The following MOB1B variants were observed in gnomAD, a reference collection of about 807,000 sequenced individuals.
MOB1B encodes MOB kinase activator 1B, also known as MOB1 Mps One Binder homolog B.
Under a neutral mutation model 24.4 loss-of-function variants are expected in MOB1B, and 19 were observed. The observed-to-expected ratio is 0.78, with a 90% CI of 0.54 to 1.14. The LOEUF (loss-of-function observed/expected upper bound fraction) is 1.14. MOB1B is among the 50% of genes most tolerant of loss of function. MOB1B has a pLI of 0.00. For synonymous variants in MOB1B, 76 were observed against 82.1 expected, an observed-to-expected ratio of 0.93 and a Z score of 0.40; for missense variants, 243 against 259.6, an observed-to-expected ratio of 0.94 and a Z score of 0.44.
chr4:70,957,423 G>C (rs536629325), intron 1 of MOB1B, among the ~76,000 whole-genome samples: 1 of 150,344 alleles, frequency 6.7e-6, no homozygotes, highest in Non-Finnish European at 1.5e-5. Flanking sequence ...AAAATCGCTC[G>C]CTCTCTCTCT....
chr4:70,964,945 A>G (rs1427000803), intron 2 of MOB1B, among the ~76,000 whole-genome samples: 1 of 151,720 alleles, frequency 6.6e-6, no homozygotes, highest in Non-Finnish European at 1.5e-5. Context: ...AAAAAAAAAA[A>G]GTTAAAAGAG....
At chr4:70,957,866 C>T (rs1474184386) in intron 1 of MOB1B, among the ~76,000 whole-genome samples, 1 of 151,594 alleles carries the variant, frequency 6.6e-6, no homozygotes, top group East Asian at 1.9e-4. Context: ...GGGATCCTTC[C>T]ACCTCAGCCT....
In MOB1B at chr4:70,912,710, A is replaced by G. The variant is rs562296456; in HGVS notation, c.14+10160A>G. 6.9e-4 allele frequency among the ~76,000 whole-genome samples: 105 copies of G among 152,332 alleles called. 1 individual carries two copies. Among genetic ancestry groups the G allele is most frequent in the African/African-American group, 2.4e-3 (101 of 41,588 alleles). On this transcript the variant is annotated intron_variant, in intron 1 of 5. Transcript: ENST00000309395. ...TGCTTTAACAATGTAATCTTCGACA[A>G]AAGGATCCAGTCATGAATCATGTAT...
chr4:70,913,945 T>C (rs1411544753), intron 1 of MOB1B, among the ~76,000 whole-genome samples: 1 of 151,888 alleles, frequency 6.6e-6, no homozygotes, highest in Non-Finnish European at 1.5e-5. Flanking sequence ...CAATGTGTGC[T>C]GTGATCTGCA....
intron 1 of MOB1B, among the ~76,000 whole-genome samples, chr4:70,915,429 A>T (rs1736159524): frequency 6.6e-6 from 1 of 152,184 alleles, no homozygotes; most frequent in South Asian, 2.1e-4. Context: ...CAGAATTTTG[A>T]GGAGTTTAAA....
intron 3 of MOB1B, among the ~76,000 whole-genome samples, chr4:70,971,838 T>A (rs572331451): frequency 6.6e-6 from 1 of 152,320 alleles, no homozygotes; most frequent in Admixed American, 6.5e-5. Context: ...CATGCATGTG[T>A]GCGTACATAG....
At chr4:70,928,119 A>G (rs749595608) in intron 1 of MOB1B, among the ~76,000 whole-genome samples, 1 of 151,816 alleles carries the variant, frequency 6.6e-6, no homozygotes, top group Non-Finnish European at 1.5e-5. Flanking sequence ...AGTGCCCTTT[A>G]TAGTCCTTAT....
intron 3 of MOB1B, among the ~76,000 whole-genome samples, chr4:70,972,585 T>C (rs950650021): frequency 6.6e-6 from 1 of 152,132 alleles, no homozygotes; most frequent in Non-Finnish European, 1.5e-5. Context: ...AAGTTCATGC[T>C]GTGATGACAG....
At chr4:70,932,078 G>C (rs993340807) in intron 1 of MOB1B, among the ~76,000 whole-genome samples, 3 of 152,112 alleles carry the variant, frequency 2.0e-5, no homozygotes, top group Non-Finnish European at 2.9e-5. Flanking sequence ...ACAATATGTA[G>C]ATATAACTCA....
At chr4:70,903,183 C>G (rs887803739) in intron 1 of MOB1B, among the ~76,000 whole-genome samples, 3 of 152,216 alleles carry the variant, frequency 2.0e-5, no homozygotes, top group Non-Finnish European at 4.4e-5. Context: ...TAGAGGCGCC[C>G]TTCCTCCCAG....
At chr4:70,924,062 T>A (rs1421451610) in intron 1 of MOB1B, among the ~76,000 whole-genome samples, 1 of 151,870 alleles carries the variant, frequency 6.6e-6, no homozygotes, top group Admixed American at 6.6e-5. Flanking sequence ...GGGAAAGGTA[T>A]TTTAAGGCAA....
intron 1 of MOB1B, among the ~76,000 whole-genome samples, chr4:70,923,481 G>A (rs1274495839): frequency 1.3e-5 from 2 of 152,148 alleles, no homozygotes; most frequent in Non-Finnish European, 2.9e-5. Context: ...GGGATTATAG[G>A]CATGAGCTAC....
At chr4:70,974,166 G>GT (rs1179376748) in intron 3 of MOB1B, among the ~76,000 whole-genome samples, 148 of 148,822 alleles carry the variant, frequency 9.9e-4, no homozygotes, top group Non-Finnish European at 6.4e-4. Flanking sequence ...CTCTTTTAGG[G>GT]TTTTTTTTTT....
At chr4:70,975,121 T>C in intron 3 of MOB1B, 32 bp from the exon 4 acceptor site, 1 of 1,558,166 alleles carries the variant, frequency 6.4e-7, no homozygotes, top group African/African-American at 1.4e-5. Flanking sequence ...TATATACTAA[T>C]CTTCTGTGTG....
rs1381391135 is a variant in MOB1B, at chr4:70,902,568, GCACGCGCCGGCTTTGT to G, written c.14+19_14+34del. The G allele has an allele frequency of 1.3e-6, 2 of 1,549,836 alleles. No individual in the cohort carries two copies. Among genetic ancestry groups the G allele is most frequent in the Non-Finnish European group, 1.7e-6 (2 of 1,149,882 alleles). Reference sequence around the variant, plus strand: ...TTCTTGTTGTGAGTAGCCAGGCCCCGCACGCGCCGGCTTTGTTCGGGTGGACCTGGGCCCCCGCCCG... The same window carrying G: ...TTCTTGTTGTGAGTAGCCAGGCCCCGTCGGGTGGACCTGGGCCCCCGCCCG... On this transcript the variant is annotated intron_variant, in intron 1 of 5. Coordinates refer to ENST00000309395, the MANE Select transcript of MOB1B (RefSeq NM_173468.4).
chr4:70,974,214 G>A (rs1002188652), intron 3 of MOB1B, among the ~76,000 whole-genome samples: 5 of 151,828 alleles, frequency 3.3e-5, no homozygotes, highest in African/African-American at 4.8e-5. Context: ...GCTGGAATGG[G>A]CACCATCTTG....
intron 1 of MOB1B, among the ~76,000 whole-genome samples, chr4:70,924,123 C>T (rs980916088): frequency 6.6e-6 from 1 of 152,076 alleles, no homozygotes; most frequent in Non-Finnish European, 1.5e-5. Flanking sequence ...AACAGCATAA[C>T]CCTCCTGCTG....
chr4:70,972,974 T>C (rs902188129), intron 3 of MOB1B, among the ~76,000 whole-genome samples: 38 of 151,928 alleles, frequency 2.5e-4, no homozygotes, highest in African/African-American at 7.7e-4. Flanking sequence ...GGGGTTTCAC[T>C]GTGTTAGCCA....
chr4:70,901,881 C>T (rs1158089743), upstream of MOB1B, among the ~76,000 whole-genome samples: 1 of 152,132 alleles, frequency 6.6e-6, no homozygotes, highest in East Asian at 1.9e-4. Flanking sequence ...GCTTTGGCCC[C>T]CTAAGTGGTT....
Sources: allele counts gnomAD v4.1 joint callset (sites outside exome capture counted in the v4.1 genomes callset), GRCh38; gene constraint gnomAD v4.1.1; transcripts MANE v1.5; gene names NCBI Gene and HGNC (gene_info 2026-07-23, HGNC 2026-07-21).